TSPAN12: variants seen among roughly 807,000 people sequenced by gnomAD.
TSPAN12 encodes the protein tetraspanin 12.
TSPAN12 carries 19 observed loss-of-function variants against 39.2 expected under a neutral mutation model. The ratio of observed to expected loss-of-function variants is 0.49; its 90% confidence interval spans 0.34 to 0.71. The LOEUF (loss-of-function observed/expected upper bound fraction) is 0.71. TSPAN12 is among the 30% of genes least tolerant of loss of function. The pLI, the probability that TSPAN12 is intolerant of heterozygous loss-of-function variation, is 0.01. For synonymous variants in TSPAN12, 119 were observed against 124.8 expected (o/e 0.95, Z 0.31); for missense variants, 314 against 359.9 (o/e 0.87, Z 1.03).
chr7:120,840,080 A>T lies in TSPAN12; in HGVS notation c.96T>A (p.Ser32=), dbSNP rs761925454. 31 of 1,613,834 alleles carry T rather than the reference A, an allele frequency of 1.9e-5. No individual in the cohort carries two copies. In the Admixed American group the frequency reaches 5.2e-4, roughly 27 times the overall value. The change falls in exon 3 of 8, where the codon TCT becomes TCA. Residue 32 remains serine, a synonymous_variant. Coordinates refer to ENST00000222747, the MANE Select transcript of TSPAN12 (RefSeq NM_012338.4). ...TATTTAGGTAGTCCCTCATCCAAGCAGAAACTGCCAACACACTGATGGACA... is the reference window on the plus strand; with the variant it reads ...TATTTAGGTAGTCCCTCATCCAAGCTGAAACTGCCAACACACTGATGGACA... The part of the protein sequence containing the change: ...WLMSISVLAV[S]AWMRDYLNNV...
At chr7:120,828,727 T>C (rs950863296) in intron 4 of TSPAN12, among the ~76,000 whole-genome samples, 8 of 151,074 alleles carry the variant, frequency 5.3e-5, no homozygotes, top group Non-Finnish European at 1.0e-4. Flanking sequence ...GAAAGTACTT[T>C]CATAATAAAA....
Position 120,806,669 on chromosome 7 carries a change from A to C in TSPAN12, c.492T>G (p.Tyr164Ter). 6.2e-7 allele frequency: 1 copy of C among 1,613,456 alleles called. No homozygotes were observed. Among genetic ancestry groups the C allele is most frequent in the Non-Finnish European group, 8.5e-7 (1 of 1,179,538 alleles). Reference protein sequence around the residue: ...QREFKCCGVVYFTDWLEMTEM... With the variant: ...QREFKCCGVV ...CTGTCATTTCCAACCAGTCAGTGAAATATACTACTCCACAGCACTTAAACT... is the reference window on the plus strand; with the variant it reads ...CTGTCATTTCCAACCAGTCAGTGAACTATACTACTCCACAGCACTTAAACT... The change falls in exon 7 of 8, where the codon TAT becomes TAG. Residue 164 changes from tyrosine to a stop codon, truncating the protein, a stop_gained. Coordinates refer to ENST00000222747, the MANE Select transcript of TSPAN12 (RefSeq NM_012338.4). LOFTEE classifies it high-confidence loss of function.
intron 4 of TSPAN12, among the ~76,000 whole-genome samples, chr7:120,830,006 C>T (rs557710995): frequency 8.7e-4 from 132 of 152,186 alleles, no homozygotes; most frequent in African/African-American, 3.0e-3. Flanking sequence ...CTGTCTCTGA[C>T]ACAACATTTA....
Position 120,810,570 on chromosome 7 carries a change from C to A in TSPAN12, c.361G>T (p.Val121Phe), listed in dbSNP as rs1423961303. 2.5e-6 allele frequency: 4 copies of A among 1,609,470 alleles called. No homozygotes were observed. In the South Asian group the frequency reaches 3.3e-5, roughly 13 times the overall value. Residue 121 changes from valine (V) to phenylalanine (F), a missense_variant and splice_region_variant, in exon 6 of 8, where the codon GTT becomes TTT. Physicochemically the swap from Val to Phe is conservative, Grantham distance 50. Transcript: ENST00000222747. ...ACCATATCTGACCATTGTACTGGAA[C>A]CTGGTGATAAAAAGCAAAATATCAA... is the stretch of plus-strand genomic sequence containing the variant. ...GVWTYEQELM[V>F]PVQWSDMVTL...
intron 7 of TSPAN12, among the ~76,000 whole-genome samples, chr7:120,803,159 T>C (rs1793806769): frequency 6.6e-6 from 1 of 152,180 alleles, no homozygotes; most frequent in African/African-American, 2.4e-5. Context: ...TTTTACAAGA[T>C]AACCTGTCTC....
chr7:120,851,330 T>C (rs1352052786), intron 2 of TSPAN12, among the ~76,000 whole-genome samples: 2 of 152,232 alleles, frequency 1.3e-5, no homozygotes, highest in East Asian at 3.9e-4. Flanking sequence ...CTAAATTTCC[T>C]GTCTACTTTT....
intron 2 of TSPAN12, among the ~76,000 whole-genome samples, chr7:120,850,297 T>C (rs1304696128): frequency 6.6e-6 from 1 of 152,228 alleles, no homozygotes; most frequent in Non-Finnish European, 1.5e-5. Context: ...AGAGACCCAC[T>C]ATAAGCCTCT....
At chr7:120,842,993 A>G (rs1157032276) in intron 2 of TSPAN12, among the ~76,000 whole-genome samples, 1 of 152,068 alleles carries the variant, frequency 6.6e-6, no homozygotes, top group Non-Finnish European at 1.5e-5. Flanking sequence ...TACTATTAGT[A>G]ATTAATCACT....
intron 2 of TSPAN12, among the ~76,000 whole-genome samples, chr7:120,848,332 T>C (rs1794711050): frequency 6.6e-6 from 1 of 152,176 alleles, no homozygotes; most frequent in Non-Finnish European, 1.5e-5. Context: ...ACATGGCCTA[T>C]CTCCCCATCA....
chr7:120,796,391 A>C (rs986608325), intron 7 of TSPAN12, among the ~76,000 whole-genome samples: 53 of 152,376 alleles, frequency 3.5e-4, no homozygotes, highest in African/African-American at 1.2e-3. Flanking sequence ...CAATTTAGTT[A>C]GTCAAAAATC....
Position 120,788,772 on chromosome 7 carries a change from C to A in TSPAN12, c.738G>T (p.Trp246Cys). 6.2e-7 allele frequency: 1 copy of A among 1,614,066 alleles called. No individual in the cohort carries two copies. The highest frequency in any genetic ancestry group is 8.5e-7 in the Non-Finnish European group (1 of 1,179,994). The change falls in exon 8 of 8, where the codon TGG becomes TGT. Residue 246 changes from tryptophan (W) to cysteine (C), a missense_variant. Coordinates refer to ENST00000222747, the MANE Select transcript of TSPAN12 (RefSeq NM_012338.4). Reference protein sequence around the residue: ...LAMILTITLLWALYYDRREPG... With the variant: ...LAMILTITLLCALYYDRREPG... The stretch of plus-strand genomic sequence containing the variant: ...GCTCCCTTCTATCATAATACAGAGC[C>A]CAGAGCAGAGTAATGGTGAGAATCA...
At chr7:120,854,993 C>T (rs1235446972) in intron 2 of TSPAN12, among the ~76,000 whole-genome samples, 1 of 152,132 alleles carries the variant, frequency 6.6e-6, no homozygotes, top group African/African-American at 2.4e-5. Flanking sequence ...CGTTTACATT[C>T]TCTGGGGACA....
chr7:120,851,104 C>A (rs1794761744), intron 2 of TSPAN12, among the ~76,000 whole-genome samples: 1 of 152,158 alleles, frequency 6.6e-6, no homozygotes. Context: ...CCATTCATAG[C>A]GTAAAGTTGG....
rs2116466534 is a variant in TSPAN12, at chr7:120,838,848, A to G, written c.214T>C (p.Cys72Arg). The G allele has an allele frequency of 1.2e-6, 2 of 1,614,102 alleles. No homozygotes were observed. Among genetic ancestry groups the G allele is most frequent in the Non-Finnish European group, 1.7e-6 (2 of 1,179,966 alleles). The change falls in exon 4 of 8, where the codon TGT (cysteine) becomes CGT (arginine). Residue 72 changes from cysteine to arginine, a missense_variant. Transcript: ENST00000222747. ...VVHPVMIAVCCFLIIVGMLGY... is the reference protein window; with the variant it reads ...VVHPVMIAVCRFLIIVGMLGY... The stretch of plus-strand genomic sequence containing the variant: ...AACATCCCCACAATGATAAGGAAAC[A>G]GCAAACAGCAATCATGACCGGATGA...
At chr7:120,828,196 C>CTTAG (rs906843657) in intron 4 of TSPAN12, among the ~76,000 whole-genome samples, 1 of 152,178 alleles carries the variant, frequency 6.6e-6, no homozygotes, top group Admixed American at 6.5e-5. Context: ...TTCTCCCTTA[C>CTTAG]TTAGCCAAGA....
intron 7 of TSPAN12, among the ~76,000 whole-genome samples, chr7:120,802,376 C>CA (rs1461866328): frequency 1.3e-5 from 2 of 152,172 alleles, no homozygotes; most frequent in Non-Finnish European, 2.9e-5. Flanking sequence ...TCTCAGTTCA[C>CA]ATATCACCTC....
intron 7 of TSPAN12, among the ~76,000 whole-genome samples, chr7:120,799,640 C>CTTA (rs1793717602): frequency 1.2e-5 from 1 of 84,104 alleles, no homozygotes; most frequent in Non-Finnish European, 2.2e-5. Flanking sequence ...ATTATATATA[C>CTTA]TTATATATAA....
At chr7:120,855,345 T>C (rs1346375595) in intron 2 of TSPAN12, among the ~76,000 whole-genome samples, 1 of 152,208 alleles carries the variant, frequency 6.6e-6, no homozygotes, top group Non-Finnish European at 1.5e-5. Flanking sequence ...AACCAGGCCA[T>C]CTTTAAAGCT....
intron 2 of TSPAN12, 113 bp from the exon 3 acceptor site, chr7:120,840,222 T>C: frequency 1.2e-6 from 1 of 834,110 alleles, no homozygotes; most frequent in Non-Finnish European, 2.1e-6. Context: ...CAATTACCAT[T>C]TGCTGCATCT....
Sources: allele counts gnomAD v4.1 joint callset (sites outside exome capture counted in the v4.1 genomes callset), GRCh38; gene constraint gnomAD v4.1.1; transcripts MANE v1.5; gene names NCBI Gene and HGNC (gene_info 2026-07-23, HGNC 2026-07-21).